TMEM132C: variants seen among roughly 807,000 people sequenced by gnomAD.
TMEM132C encodes protein phosphatase 1, regulatory subunit 152.
In TMEM132C, 29 loss-of-function variants were observed where a neutral mutation model predicts 61.4. The ratio of observed to expected loss-of-function variants is 0.47; its 90% CI spans 0.35 to 0.64. The LOEUF (loss-of-function observed/expected upper bound fraction) is 0.64, where lower values mean the gene tolerates loss of function less well. TMEM132C is among the 30% of genes least tolerant of loss of function. The pLI is 0.00. For synonymous variants in TMEM132C, 656 were observed against 633.1 expected, an observed-to-expected ratio of 1.04 and a Z score of -0.54; for missense variants, 1,408 against 1,476.9, an observed-to-expected ratio of 0.95 and a Z score of 0.76.
intron 2 of TMEM132C, among the ~76,000 whole-genome samples, chr12:128,515,611 A>G (rs1023482093): frequency 2.6e-5 from 4 of 152,202 alleles, no homozygotes; most frequent in Non-Finnish European, 4.4e-5. Context: ...AGGCGGGTGG[A>G]TCACGAGGTC....
chr12:128,620,200 C>T (rs1002568500), intron 4 of TMEM132C, among the ~76,000 whole-genome samples: 4 of 145,814 alleles, frequency 2.7e-5, no homozygotes, highest in African/African-American at 1.0e-4. Flanking sequence ...CCACTGCATT[C>T]CCAGCCCAGG....
At chr12:128,496,481 A>G (rs1021319852) in intron 2 of TMEM132C, among the ~76,000 whole-genome samples, 10 of 152,174 alleles carry the variant, frequency 6.6e-5, no homozygotes, top group African/African-American at 2.4e-4. Context: ...AATCAGATGT[A>G]GATTTGGTCT....
chr12:128,339,089 C>T (rs1872875163), intron 1 of TMEM132C, among the ~76,000 whole-genome samples: 1 of 152,094 alleles, frequency 6.6e-6, no homozygotes, highest in African/African-American at 2.4e-5. Flanking sequence ...CTCTCTTCCC[C>T]TCTGCTGATT....
Position 128,415,189 on chromosome 12 carries a change from G to A in TMEM132C, c.543G>A (p.Val181=). Residue 181 remains valine (V), a synonymous_variant, in exon 2 of 9, where the codon GTG becomes GTA. Transcript: ENST00000435159. This position sits in a 1 kb window ranked among gnomAD's most constrained non-coding sequence, Gnocchi z 5.8. The part of the protein sequence containing the change: ...RVFAFRETRE[V]RGSCRLKGDL... ...TTGCTTTCCGAGAAACCAGAGAGGT[G>A]CGGGGCAGCTGCCGGCTGAAGGGGG... 6.2e-7 allele frequency: 1 copy of A among 1,611,012 alleles called. No homozygotes were observed. Among genetic ancestry groups the A allele is most frequent in the South Asian group, 1.1e-5 (1 of 90,490 alleles).
At chr12:128,582,920 A>G (rs1174080762) in intron 3 of TMEM132C, among the ~76,000 whole-genome samples, 2 of 152,166 alleles carry the variant, frequency 1.3e-5, no homozygotes, top group African/African-American at 2.4e-5. Flanking sequence ...GATTATAAGC[A>G]TGAGCCATGG....
At chr12:128,634,415 G>A (rs186010664) in intron 4 of TMEM132C, among the ~76,000 whole-genome samples, 40 of 152,348 alleles carry the variant, frequency 2.6e-4, no homozygotes, top group East Asian at 1.3e-3. Flanking sequence ...GTAAGGAGAC[G>A]GGACTTGATT....
intron 5 of TMEM132C, among the ~76,000 whole-genome samples, chr12:128,680,889 A>G (rs1321135757): frequency 6.6e-6 from 1 of 152,238 alleles, no homozygotes; most frequent in Admixed American, 6.5e-5. Flanking sequence ...TTAAATGGAA[A>G]GAGAAGTTTT....
chr12:128,556,691 C>T (rs189293131), intron 3 of TMEM132C, among the ~76,000 whole-genome samples: 8 of 152,166 alleles, frequency 5.3e-5, no homozygotes, highest in East Asian at 1.9e-4. Context: ...ATCATAAAAG[C>T]GCCCTGCACC....
At chr12:128,330,341 G>A (rs554298544) in intron 1 of TMEM132C, among the ~76,000 whole-genome samples, 1 of 152,124 alleles carries the variant, frequency 6.6e-6, no homozygotes, top group Admixed American at 6.5e-5. Context: ...CCTCTCTGCT[G>A]TGTGATCCCC....
At chr12:128,481,491 C>T (rs1871315306) in intron 2 of TMEM132C, among the ~76,000 whole-genome samples, 1 of 152,232 alleles carries the variant, frequency 6.6e-6, no homozygotes, top group Non-Finnish European at 1.5e-5. Context: ...TGCTTTTCCA[C>T]CATCATCCCC....
chr12:128,462,095 T>TTGTC (rs1357355047), intron 2 of TMEM132C, among the ~76,000 whole-genome samples: 1 of 151,680 alleles, frequency 6.6e-6, no homozygotes, highest in East Asian at 1.9e-4. Context: ...GTTATTTTAT[T>TTGTC]TGTTTGTTTT....
Position 128,506,836 on chromosome 12 carries a change from C to T in TMEM132C, c.975-37121C>T, listed in dbSNP as rs368405243. Among the ~76,000 whole-genome samples the T allele has an allele frequency of 4.6e-5, 7 of 152,316 alleles. No homozygotes were observed. The East Asian group carries it at 1.2e-3, about 25-fold the overall frequency. The stretch of plus-strand genomic sequence containing the variant: ...TTTGCCTCCAGAATGGGCTGATGCC[C>T]TTAGCAGGAACAGACAGGGTCACAG... On this transcript the variant is annotated intron_variant, in intron 2 of 8. Coordinates refer to ENST00000435159, the MANE Select transcript of TMEM132C (RefSeq NM_001136103.3).
intron 3 of TMEM132C, among the ~76,000 whole-genome samples, chr12:128,611,949 T>TGGG (rs1409183469): frequency 6.6e-6 from 1 of 152,178 alleles, no homozygotes; most frequent in Non-Finnish European, 1.5e-5. Flanking sequence ...AGTTTCAAAA[T>TGGG]GGGGTTGCAT....
chr12:128,315,387 G>A (rs1177098371), intron 1 of TMEM132C, among the ~76,000 whole-genome samples: 1 of 152,110 alleles, frequency 6.6e-6, no homozygotes, highest in Non-Finnish European at 1.5e-5. Flanking sequence ...CACACAGTTG[G>A]ATTTGTCTAG....
At chr12:128,619,081 G>C (rs1200897390) in intron 4 of TMEM132C, among the ~76,000 whole-genome samples, 1 of 152,116 alleles carries the variant, frequency 6.6e-6, no homozygotes, top group African/African-American at 2.4e-5. Flanking sequence ...CTGCAGCTTT[G>C]ACTAGAAGAT....
chr12:128,614,772 G>A (rs1876742980), intron 3 of TMEM132C, among the ~76,000 whole-genome samples: 1 of 152,238 alleles, frequency 6.6e-6, no homozygotes. Context: ...CTGAGCAGAA[G>A]AGATGTCATT....
intron 4 of TMEM132C, among the ~76,000 whole-genome samples, chr12:128,647,843 T>A (rs1954223184): frequency 6.7e-6 from 1 of 149,732 alleles, no homozygotes; most frequent in Non-Finnish European, 1.5e-5. Context: ...GTGTGTTTAC[T>A]AGATCCCATC....
intron 2 of TMEM132C, among the ~76,000 whole-genome samples, chr12:128,465,924 G>A (rs1011526475): frequency 1.3e-5 from 2 of 152,148 alleles, no homozygotes; most frequent in Admixed American, 6.6e-5. Flanking sequence ...GGAGAGGCCC[G>A]GGGATAAGGG....
At chr12:128,335,684 C>T (rs988910759) in intron 1 of TMEM132C, among the ~76,000 whole-genome samples, 18 of 152,156 alleles carry the variant, frequency 1.2e-4, no homozygotes, top group South Asian at 2.1e-4. Flanking sequence ...TCAGTAACTA[C>T]GTGATGAAGC....
Sources: gnomAD v4.1 joint callset for allele counts (sites outside exome capture counted in the v4.1 genomes callset) on GRCh38, gnomAD v4.1.1 for gene constraint, Gnocchi (gnomAD v3.1) non-coding constraint, MANE v1.5 for transcripts, NCBI Gene and HGNC (gene_info 2026-07-23, HGNC 2026-07-21) for gene names.